The following CCDC59 variants were observed in gnomAD, a reference collection of about 807,000 sequenced individuals.
The protein encoded by CCDC59 is thyroid transcription factor 1-associated protein 26.
In CCDC59, 27 loss-of-function variants were observed where a neutral mutation model predicts 30.5. That is an observed-to-expected ratio of 0.89 (90% CI 0.65 to 1.22). The LOEUF (loss-of-function observed/expected upper bound fraction) is 1.22, where lower values mean the gene tolerates loss of function less well. Among genes scored for constraint, CCDC59 ranks in the 50% most tolerant of loss-of-function variants. The probability of loss-of-function intolerance (pLI) is 0.00; values close to 1 mark genes in which losing one functional copy is unlikely to be tolerated. For synonymous variants in CCDC59, 125 were observed against 100.9 expected, an observed-to-expected ratio of 1.24 and a Z score of -1.43; for missense variants, 362 against 284.4, an observed-to-expected ratio of 1.27 and a Z score of -1.96.
upstream of CCDC59, chr12:82,358,521 T>TCA: frequency 6.3e-7 from 1 of 1,599,452 alleles, no homozygotes; most frequent in Non-Finnish European, 8.5e-7. Context: ...AGCTGGCGCC[T>TCA]CACGGCCATG....
Position 82,353,034 on chromosome 12 carries a change from AT to A in CCDC59, c.*116del. 2 of 732,302 alleles carry A rather than the reference AT, an allele frequency of 2.7e-6. No individual in the cohort carries two copies. The highest frequency in any genetic ancestry group is 4.4e-6 in the Non-Finnish European group (2 of 458,596). 45.4% of individuals were successfully genotyped at this position (732,302 alleles called of 1,614,324 possible). ...TAATAAAAATATGTGAACATCTTAT[AT>A]TTAGCATAGTTTAGCAATCCAGTTT... On this transcript the variant is annotated 3_prime_UTR_variant, in exon 4 of 4. Coordinates refer to ENST00000256151, the MANE Select transcript of CCDC59 (RefSeq NM_014167.5).
Position 82,353,337 on chromosome 12 carries a change from T to C in CCDC59, c.565-25A>G, listed in dbSNP as rs1289487731. The C allele has an allele frequency of 3.8e-6, 6 of 1,565,180 alleles. No homozygotes were observed. The Admixed American group carries it at 9.5e-5, about 25-fold the overall frequency. On this transcript the variant is annotated intron_variant, in intron 3 of 3. Transcript: ENST00000256151. ...CCTAAAATTATTAACATATGTAACTTTCATTAGCAACAAACAGTAGATACA... is the reference window on the plus strand; with the variant it reads ...CCTAAAATTATTAACATATGTAACTCTCATTAGCAACAAACAGTAGATACA...
At chr12:82,358,437 AG>A, upstream of CCDC59, 1 of 1,606,914 alleles carries the variant, frequency 6.2e-7, no homozygotes, top group Non-Finnish European at 8.5e-7. Flanking sequence ...TACGTCACCA[AG>A]CCGAAGCAAT....
chr12:82,358,594 C>T (rs1232677300), upstream of CCDC59: 2 of 1,612,848 alleles, frequency 1.2e-6, no homozygotes, highest in Non-Finnish European at 1.7e-6. Flanking sequence ...CTCCCGGTGA[C>T]CCCGGACCTG....
rs747050998 is a variant in CCDC59, at chr12:82,357,240, TCA to T, written c.182_183del (p.Leu61GlnfsTer31). 1.9e-6 allele frequency: 3 copies of T among 1,612,958 alleles called. No homozygotes were observed. The African/African-American group carries it at 4.0e-5, about 22-fold the overall frequency. On this transcript the variant is annotated frameshift_variant, in exon 2 of 4. Coordinates refer to ENST00000256151, the MANE Select transcript of CCDC59 (RefSeq NM_014167.5). LOFTEE classifies it high-confidence loss of function. ...AATTTCTTGTAACTTTGCTGTATTT[TCA>T]GTTTTCTTCGAAAAGCAAAGCCTTG... ...EGQGFAFRRK[L>X]KIQQSYKKLL... is the part of the protein sequence containing the mutation.
chr12:82,356,983 T>C lies in CCDC59; in HGVS notation c.441A>G (p.Glu147=). 4.3e-6 allele frequency: 7 copies of C among 1,612,086 alleles called. 1 individual carries two copies. Among genetic ancestry groups the C allele is most frequent in the Non-Finnish European group, 5.9e-6 (7 of 1,178,198 alleles). Residue 147 remains glutamate (E), a synonymous_variant, in exon 2 of 4, where the codon GAA becomes GAG. Coordinates refer to ENST00000256151, the MANE Select transcript of CCDC59 (RefSeq NM_014167.5). ...ACTTTACTGTTTTAATACATTGTTC[T>C]TCTGGCTGAGGCTGGTCAAAGCTAC... is the stretch of plus-strand genomic sequence containing the variant. The part of the protein sequence containing the change: ...DQCSFDQPQP[E]EQCIKTVNSF...
In CCDC59 at chr12:82,357,088, G is replaced by A. The variant is rs1326307786; in HGVS notation, c.336C>T (p.Asp112=). The change falls in exon 2 of 4, where the codon GAC becomes GAT. Residue 112 remains aspartate (D), a synonymous_variant. Coordinates refer to ENST00000256151, the MANE Select transcript of CCDC59 (RefSeq NM_014167.5). ...ERHRKQARKV[D]HPLSEQVHQP... ...GGTGAACTTGTTCTGACAAAGGATG[G>A]TCGACTTTTCTTGCTTGCTTCCTAT... 6.2e-7 allele frequency: 1 copy of A among 1,614,042 alleles called. No individual in the cohort carries two copies. Among genetic ancestry groups the A allele is most frequent in the African/African-American group, 1.3e-5 (1 of 74,934 alleles).
intron 3 of CCDC59, among the ~76,000 whole-genome samples, chr12:82,353,668 G>A (rs1188305003): frequency 6.6e-6 from 1 of 152,056 alleles, no homozygotes; most frequent in Non-Finnish European, 1.5e-5. Context: ...AGTTAATACT[G>A]GTCCAGTATT....
intron 2 of CCDC59, chr12:82,355,238 T>G (rs912278974): frequency 6.6e-6 from 1 of 152,304 alleles, no homozygotes; most frequent in Non-Finnish European, 1.5e-5. Context: ...TCAGTCCTAT[T>G]CACCTTCAAC....
At position 82,357,174 on chromosome 12, in the gene CCDC59, G is replaced by A. The variant is rs1234170547; in HGVS notation, c.250C>T (p.Gln84Ter). ...EKKAQTSLES[Q>*]FTDRYPDNLK... Reference sequence around the variant, plus strand: ...TTATCTGGGTATCGATCTGTGAATTGAGATTCCAGTGACGTTTGAGCCTTC... The same window carrying A: ...TTATCTGGGTATCGATCTGTGAATTAAGATTCCAGTGACGTTTGAGCCTTC... The change falls in exon 2 of 4, where the codon CAA becomes TAA. Residue 84 changes from glutamine (Q) to a stop codon, truncating the protein, a stop_gained. Transcript: ENST00000256151. LOFTEE classifies it high-confidence loss of function. 3 of 1,613,864 alleles carry A rather than the reference G, an allele frequency of 1.9e-6. No homozygotes were observed. The highest frequency in any genetic ancestry group is 2.2e-5 in the East Asian group (1 of 44,894).
intron 2 of CCDC59, chr12:82,354,828 C>G (rs1056997164): frequency 4.6e-5 from 13 of 280,236 alleles, no homozygotes; most frequent in African/African-American, 2.9e-4. Flanking sequence ...AAATGCCAGA[C>G]TGAAAAAAGA....
intron 1 of CCDC59, 123 bp downstream of exon 1, chr12:82,358,100 G>T (rs529731365): frequency 2.8e-6 from 3 of 1,083,904 alleles, no homozygotes; most frequent in Non-Finnish European, 4.0e-6. Flanking sequence ...GCTCAGGAAT[G>T]AATTCCCTTG....
chr12:82,357,955 T>C (rs1881171999), intron 1 of CCDC59, among the ~76,000 whole-genome samples: 1 of 152,202 alleles, frequency 6.6e-6, no homozygotes, highest in South Asian at 2.1e-4. Flanking sequence ...AGACTCTCTC[T>C]GCTCAGTTTC....
intron 2 of CCDC59, 187 bp from the exon 3 acceptor site, chr12:82,354,781 AC>A: frequency 2.3e-6 from 1 of 442,840 alleles, no homozygotes; most frequent in Non-Finnish European, 3.8e-6. Context: ...AAAAAAAAAA[AC>A]TTTTAAAAGT....
chr12:82,353,216 T>TTAA lies in CCDC59; in HGVS notation c.660_661insTTA (p.Lys220_Lys221insLeu). On this transcript the variant is annotated inframe_insertion, in exon 4 of 4. Coordinates refer to ENST00000256151, the MANE Select transcript of CCDC59 (RefSeq NM_014167.5). The stretch of plus-strand genomic sequence containing the variant: ...TGTACATTCAAGTTTGGTTGGCCCT[T>TTAA]TTTAGTCTTTTTGTTCAGTATTTTA... 6.2e-7 allele frequency: 1 copy of TTAA among 1,612,580 alleles called. No individual in the cohort carries two copies. The highest frequency in any genetic ancestry group is 8.5e-7 in the Non-Finnish European group (1 of 1,179,446).
intron 2 of CCDC59, chr12:82,354,950 T>C (rs1670181673): frequency 6.0e-6 from 1 of 167,012 alleles, no homozygotes; most frequent in African/African-American, 2.4e-5. Flanking sequence ...TAGTCATGAA[T>C]CACCATACCT....
chr12:82,357,434 G>A (rs902115956), intron 1 of CCDC59, 165 bp from the exon 2 acceptor site: 6 of 623,460 alleles, frequency 9.6e-6, no homozygotes, highest in Non-Finnish European at 1.7e-5. Context: ...TAAGCTGATG[G>A]ATTGCATAGT....
intron 2 of CCDC59, chr12:82,355,438 G>A (rs1164802222): frequency 6.6e-5 from 10 of 152,106 alleles, no homozygotes; most frequent in African/African-American, 2.4e-4. Context: ...ACTTAATAAG[G>A]AAGGAAAAAA....
chr12:82,352,877 T>C lies in CCDC59; in HGVS notation c.*274A>G, dbSNP rs1880869532. On this transcript the variant is annotated 3_prime_UTR_variant, in exon 4 of 4. Transcript: ENST00000256151. ...AAAAATTTATTTCATATAAATCTCATATGGTACAAAAGTATTACATGCTTG... is the reference window on the plus strand; with the variant it reads ...AAAAATTTATTTCATATAAATCTCACATGGTACAAAAGTATTACATGCTTG... The C allele has an allele frequency of 4.2e-6, 1 of 240,904 alleles. No homozygotes were observed. Among genetic ancestry groups the C allele is most frequent in the East Asian group, 8.0e-5 (1 of 12,460 alleles). 14.9% of individuals were successfully genotyped at this position (240,904 alleles called of 1,614,324 possible).
Sources: gnomAD v4.1 joint callset for allele counts (sites outside exome capture counted in the v4.1 genomes callset) on GRCh38, gnomAD v4.1.1 for gene constraint, MANE v1.5 for transcripts, NCBI Gene and HGNC (gene_info 2026-07-23, HGNC 2026-07-21) for gene names.